CEP162: variants seen among roughly 807,000 people sequenced by gnomAD.
The protein encoded by CEP162 is centrosomal protein 162, also known as centrosomal protein of 162 kDa.
A neutral mutation model predicts 169.2 loss-of-function variants in CEP162; 141 were observed. That is an observed-to-expected ratio of 0.83 (90% CI 0.73 to 0.96). The LOEUF is 0.96. CEP162 is among the 40% of genes least tolerant of loss of function. The pLI, the probability that CEP162 is intolerant of heterozygous loss-of-function variation, is 0.00. For synonymous variants in CEP162, 540 were observed against 526.4 expected (o/e 1.03, Z -0.35); for missense variants, 1,600 against 1,587.2 (o/e 1.01, Z -0.14).
intron 13 of CEP162, 69 bp downstream of exon 13, chr6:84,185,118 G>T (rs2099536536): frequency 1.5e-6 from 2 of 1,320,586 alleles, no homozygotes; most frequent in Non-Finnish European, 2.1e-6. Context: ...ATGGAATGTG[G>T]TACCTTAATT....
chr6:84,214,356 T>C (rs1050284473), intron 5 of CEP162, among the ~76,000 whole-genome samples: 2 of 152,234 alleles, frequency 1.3e-5, no homozygotes, highest in Non-Finnish European at 2.9e-5. Context: ...ACATCCATTA[T>C]GGATCCTTTG....
chr6:84,209,204 T>C (rs2127742420), intron 6 of CEP162, among the ~76,000 whole-genome samples: 1 of 152,308 alleles, frequency 6.6e-6, no homozygotes, highest in East Asian at 1.9e-4. Flanking sequence ...CTCCCTTTGC[T>C]TCACTTTTTC....
chr6:84,224,739 GACAC>G (rs971644840), intron 2 of CEP162, among the ~76,000 whole-genome samples: 2 of 151,048 alleles, frequency 1.3e-5, no homozygotes, highest in Non-Finnish European at 2.9e-5. Context: ...GAGGAAGAGA[GACAC>G]AGACAGAAGG....
Position 84,155,290 on chromosome 6 carries a change from C to T in CEP162, c.2994+8G>A, listed in dbSNP as rs759392984. ...TGACCTTTATCTCTGAGGCTACTTA[C>T]CACTTACCTTCATTTTCTGAAACTG... On this transcript the variant is annotated splice_region_variant and intron_variant, in intron 22 of 26. Transcript: ENST00000403245. 2 of 1,610,234 alleles carry T rather than the reference C, an allele frequency of 1.2e-6. No individual in the cohort carries two copies. Among genetic ancestry groups the T allele is most frequent in the East Asian group, 2.2e-5 (1 of 44,810 alleles).
At chr6:84,195,632 A>G (rs1280483768) in intron 9 of CEP162, among the ~76,000 whole-genome samples, 2 of 152,234 alleles carry the variant, frequency 1.3e-5, no homozygotes, top group East Asian at 3.8e-4. Context: ...ATCTTAGCCA[A>G]AAGGCAGAGA....
At chr6:84,225,508 T>C (rs1337899847) in intron 2 of CEP162, among the ~76,000 whole-genome samples, 1 of 152,222 alleles carries the variant, frequency 6.6e-6, no homozygotes, top group Non-Finnish European at 1.5e-5. Context: ...AAACCATCTT[T>C]ATGAGGTGCA....
chr6:84,125,859 C>G (rs981359210), intron 26 of CEP162, among the ~76,000 whole-genome samples: 3 of 152,086 alleles, frequency 2.0e-5, no homozygotes, highest in Non-Finnish European at 4.4e-5. Context: ...GTTATGTCAG[C>G]CCAAGCAGAC....
At chr6:84,172,868 G>C (rs1401373678) in intron 16 of CEP162, among the ~76,000 whole-genome samples, 1 of 152,112 alleles carries the variant, frequency 6.6e-6, no homozygotes, top group Non-Finnish European at 1.5e-5. Flanking sequence ...TAAGAAAAAA[G>C]GGTGTGGGAG....
Position 84,201,632 on chromosome 6 carries a change from T to C in CEP162, c.718+105A>G. 8 of 627,094 alleles carry C rather than the reference T, an allele frequency of 1.3e-5. No individual in the cohort carries two copies. The South Asian group carries it at 1.5e-4, about 12-fold the overall frequency. The allele number at this position is 627,094 out of a possible 1,614,324, so 38.8% of individuals were successfully genotyped here. On this transcript the variant is annotated intron_variant, in intron 8 of 26. Transcript: ENST00000403245. ...GCTAGGAACTTCAATGCCTTAGAAA[T>C]ATTTAAAAACAAACACAGATAGTGA...
Position 84,196,078 on chromosome 6 carries a change from G to A in CEP162, c.836-1003C>T, listed in dbSNP as rs112842842. On this transcript the variant is annotated intron_variant, in intron 9 of 26. Coordinates refer to ENST00000403245, the MANE Select transcript of CEP162 (RefSeq NM_014895.4). ...ATCATTCACTCTTCCTTCCCTATTA[G>A]CCTTCTGATATGGTTTGGCTGTGTC... Among the ~76,000 whole-genome samples, 617 of 152,066 alleles carry A rather than the reference G, an allele frequency of 4.1e-3. 4 individuals are homozygous for A. Among genetic ancestry groups the A allele is most frequent in the African/African-American group, 0.014 (597 of 41,466 alleles).
At chr6:84,164,411 G>C (rs113002717) in intron 18 of CEP162, among the ~76,000 whole-genome samples, 1,693 of 152,280 alleles carry the variant, frequency 0.011, 33 homozygotes, top group African/African-American at 0.039. Flanking sequence ...TATGTTTATT[G>C]CAGCACTATG....
intron 9 of CEP162, among the ~76,000 whole-genome samples, chr6:84,196,412 G>A (rs898058620): frequency 6.6e-6 from 1 of 151,836 alleles, no homozygotes; most frequent in African/African-American, 2.4e-5. Flanking sequence ...CTTAGTCTTG[G>A]GTATGTCTTT....
At chr6:84,179,130 T>C (rs1437634432) in intron 13 of CEP162, among the ~76,000 whole-genome samples, 1 of 152,232 alleles carries the variant, frequency 6.6e-6, no homozygotes, top group Non-Finnish European at 1.5e-5. Flanking sequence ...TACATGTGCA[T>C]CTGTCTTTAT....
intron 6 of CEP162, 142 bp downstream of exon 6, chr6:84,212,815 A>G (rs888212293): frequency 3.6e-6 from 2 of 553,246 alleles, no homozygotes; most frequent in African/African-American, 3.8e-5. Flanking sequence ...TTAGCAGCTC[A>G]GTTTATAACA....
At chr6:84,137,201 G>C (rs534128252) in intron 25 of CEP162, among the ~76,000 whole-genome samples, 2 of 152,202 alleles carry the variant, frequency 1.3e-5, no homozygotes, top group Non-Finnish European at 2.9e-5. Flanking sequence ...TTGCATTGAA[G>C]AGAAATGCGT....
chr6:84,143,926 T>A (rs961498204), intron 25 of CEP162, among the ~76,000 whole-genome samples: 2 of 152,018 alleles, frequency 1.3e-5, no homozygotes, highest in Non-Finnish European at 2.9e-5. Flanking sequence ...GTTCTTTGAT[T>A]ACTTAGGAAA....
At chr6:84,147,986 C>A (rs544000362) in intron 24 of CEP162, among the ~76,000 whole-genome samples, 27 of 152,028 alleles carry the variant, frequency 1.8e-4, no homozygotes, top group Non-Finnish European at 3.2e-4. Context: ...ACATTTATAA[C>A]GCTGGGAAAA....
At chr6:84,202,012 C>T (rs925836409) in intron 7 of CEP162, among the ~76,000 whole-genome samples, 4 of 152,234 alleles carry the variant, frequency 2.6e-5, no homozygotes, top group African/African-American at 2.4e-5. Flanking sequence ...TTAATTTAGA[C>T]CTTAAAAATT....
chr6:84,173,256 C>T (rs989773363), intron 16 of CEP162, among the ~76,000 whole-genome samples: 3 of 152,032 alleles, frequency 2.0e-5, no homozygotes, highest in Non-Finnish European at 4.4e-5. Flanking sequence ...TTGCTTGCCC[C>T]GCAAATAGCT....
Sources: allele counts gnomAD v4.1 joint callset (sites outside exome capture counted in the v4.1 genomes callset), GRCh38; gene constraint gnomAD v4.1.1; transcripts MANE v1.5; gene names NCBI Gene and HGNC (gene_info 2026-07-23, HGNC 2026-07-21).